Variants in ZBBX observed in about 807,000 individuals in gnomAD.
The protein encoded by ZBBX is zinc finger B-box domain-containing protein 1.
Under a neutral mutation model 108.5 loss-of-function variants are expected in ZBBX, and 101 were observed. That is an observed-to-expected ratio of 0.93 (90% CI 0.79 to 1.10). The LOEUF is 1.10. Ranked by LOEUF, ZBBX falls within the 50% of genes least tolerant of loss-of-function variation. The pLI, the probability that ZBBX is intolerant of heterozygous loss-of-function variation, is 0.00. For synonymous variants in ZBBX, 356 were observed against 323.4 expected, an observed-to-expected ratio of 1.10 and a Z score of -1.08; for missense variants, 1,009 against 941.4, an observed-to-expected ratio of 1.07 and a Z score of -0.94.
chr3:167,298,623 T>C (rs1732075466), intron 17 of ZBBX, among the ~76,000 whole-genome samples, 165 bp from the exon 18 acceptor site: 1 of 152,080 alleles, frequency 6.6e-6, no homozygotes. Flanking sequence ...AACATTTATA[T>C]ATAGGAAGTT....
At chr3:167,310,580 A>G (rs1433364105) in intron 16 of ZBBX, among the ~76,000 whole-genome samples, 1 of 152,126 alleles carries the variant, frequency 6.6e-6, no homozygotes, top group African/African-American at 2.4e-5. Context: ...CATGTATTAC[A>G]TGTTGGCGAG....
the ZBBX span, among the ~76,000 whole-genome samples, chr3:167,200,642 C>A: frequency 1.3e-5 from 2 of 152,128 alleles, no homozygotes; most frequent in Non-Finnish European, 2.9e-5. Context: ...AATATTTATT[C>A]AGTTATTCAC....
chr3:167,277,131 T>C (rs1308946959), intron 20 of ZBBX, among the ~76,000 whole-genome samples: 1 of 151,908 alleles, frequency 6.6e-6, no homozygotes, highest in African/African-American at 2.4e-5. Context: ...TACCAGCTGC[T>C]GCAAAATCAT....
intron 1 of ZBBX, among the ~76,000 whole-genome samples, chr3:167,400,811 G>A (rs958975284): frequency 6.6e-6 from 1 of 152,048 alleles, no homozygotes; most frequent in Non-Finnish European, 1.5e-5. Context: ...ACTCCAAGCA[G>A]GGAAGGGGCT....
At chr3:167,212,057 G>A in the ZBBX span, among the ~76,000 whole-genome samples, 3 of 152,112 alleles carry the variant, frequency 2.0e-5, no homozygotes, top group Non-Finnish European at 4.4e-5. Context: ...AGGGTATCCA[G>A]CCACTTCCTA....
chr3:167,289,688 C>T (rs191122812), intron 18 of ZBBX, among the ~76,000 whole-genome samples: 7 of 152,156 alleles, frequency 4.6e-5, no homozygotes, highest in South Asian at 2.1e-4. Context: ...GAGCAGACAC[C>T]GAGCTAGCCA....
downstream of ZBBX, among the ~76,000 whole-genome samples, chr3:167,237,146 T>C (rs541563284): frequency 1.1e-3 from 163 of 151,902 alleles, 1 homozygote; most frequent in African/African-American, 3.7e-3. Context: ...ATATTTTCTA[T>C]GCACCTCACA....
At chr3:167,225,195 C>T in the ZBBX span, among the ~76,000 whole-genome samples, 1 of 151,824 alleles carries the variant, frequency 6.6e-6, no homozygotes, top group Non-Finnish European at 1.5e-5. Flanking sequence ...AAGAAGGCCC[C>T]AGCTCAAAAC....
intron 1 of ZBBX, among the ~76,000 whole-genome samples, chr3:167,396,153 G>A (rs1211370467): frequency 6.6e-6 from 1 of 151,992 alleles, no homozygotes; most frequent in African/African-American, 2.4e-5. Flanking sequence ...CTGACTGTAT[G>A]TTTGTTTGCC....
intron 20 of ZBBX, among the ~76,000 whole-genome samples, chr3:167,247,062 G>C (rs982837631): frequency 6.6e-6 from 1 of 152,182 alleles, no homozygotes; most frequent in Non-Finnish European, 1.5e-5. Flanking sequence ...ACCACAGACC[G>C]AGGTGAGGAC....
At chr3:167,312,514 G>T (rs1734759604) in intron 16 of ZBBX, among the ~76,000 whole-genome samples, 1 of 152,090 alleles carries the variant, frequency 6.6e-6, no homozygotes, top group African/African-American at 2.4e-5. Context: ...TGATAATGGG[G>T]GAGGCTATGT....
chr3:167,269,153 C>T (rs1027049985), intron 20 of ZBBX, among the ~76,000 whole-genome samples: 2 of 152,178 alleles, frequency 1.3e-5, no homozygotes, highest in Admixed American at 6.5e-5. Context: ...TCAAGTCCCA[C>T]CAGAAGCCCT....
chr3:167,316,933 T>G (rs762735626), intron 14 of ZBBX, 72 bp downstream of exon 14: 8 of 802,354 alleles, frequency 1.0e-5, no homozygotes, highest in African/African-American at 7.1e-5. Context: ...GAAAATAATA[T>G]GCAGATGTAA....
At chr3:167,322,355 T>C in intron 11 of ZBBX, 118 bp from the exon 12 acceptor site, 1 of 769,660 alleles carries the variant, frequency 1.3e-6, no homozygotes, top group Non-Finnish European at 1.8e-6. Context: ...TATTTACTTA[T>C]ACAATCAATA....
At chr3:167,246,428 C>T (rs1721580280) in intron 20 of ZBBX, among the ~76,000 whole-genome samples, 1 of 152,156 alleles carries the variant, frequency 6.6e-6, no homozygotes, top group African/African-American at 2.4e-5. Context: ...TCCAGTTACT[C>T]AGAAAGCCAC....
chr3:167,209,504 G>A, the ZBBX span, among the ~76,000 whole-genome samples: 1 of 152,170 alleles, frequency 6.6e-6, no homozygotes, highest in African/African-American at 2.4e-5. Context: ...ACCTCTATGA[G>A]TCTGCAAGAA....
intron 8 of ZBBX, among the ~76,000 whole-genome samples, chr3:167,358,734 A>C (rs949229875): frequency 2.3e-4 from 35 of 152,086 alleles, no homozygotes; most frequent in African/African-American, 8.4e-4. Context: ...CAGGAGATCG[A>C]GACCATCCTG....
intron 20 of ZBBX, chr3:167,248,597 C>T (rs368020855): frequency 2.2e-6 from 1 of 456,602 alleles, no homozygotes; most frequent in South Asian, 1.5e-5. Context: ...TATAAACAGC[C>T]TCTAAAATAC....
At chr3:167,334,031 CTAAA>C in intron 9 of ZBBX, 46 bp from the exon 10 acceptor site, 3 of 1,301,236 alleles carry the variant, frequency 2.3e-6, no homozygotes, top group Non-Finnish European at 3.1e-6. Context: ...ATATGTTAAC[CTAAA>C]TAATTTATAT....
Sources: gnomAD v4.1 joint callset for allele counts (sites outside exome capture counted in the v4.1 genomes callset) on GRCh38, gnomAD v4.1.1 for gene constraint, MANE v1.5 for transcripts, NCBI Gene and HGNC (gene_info 2026-07-23, HGNC 2026-07-21) for gene names.